JAK1: variants seen among roughly 807,000 people sequenced by gnomAD.
JAK1 encodes the protein tyrosine-protein kinase JAK1.
A neutral mutation model predicts 136.6 loss-of-function variants in JAK1; 16 were observed. The observed-to-expected ratio is 0.12, with a 90% confidence interval of 0.08 to 0.18. The LOEUF is 0.18. JAK1 is among the 10% of genes least tolerant of loss of function. The pLI, the probability that JAK1 is intolerant of heterozygous loss-of-function variation, is 1.00. For synonymous variants in JAK1, 492 were observed against 519.5 expected (o/e 0.95, Z 0.72); for missense variants, 859 against 1,450.1 (o/e 0.59, Z 6.62).
At chr1:64,945,496 G>C (rs915387659) in intron 1 of JAK1, among the ~76,000 whole-genome samples, 2 of 151,948 alleles carry the variant, frequency 1.3e-5, no homozygotes, top group African/African-American at 4.8e-5. Context: ...AATACTTGAT[G>C]TACTAATAAG....
At chr1:64,936,944 T>C (rs10889510) in intron 1 of JAK1, among the ~76,000 whole-genome samples, 106,147 of 151,284 alleles carry the variant, frequency 0.7, 40,481 homozygotes, top group Middle Eastern at 0.93. Context: ...AAATCAAATA[T>C]ATGTGAAAAA....
chr1:64,838,517 TTA>T lies in JAK1; in HGVS notation c.2913_2914del (p.Asn971LysfsTer18). The T allele has an allele frequency of 6.2e-7, 1 of 1,614,016 alleles. No homozygotes were observed. The highest frequency in any genetic ancestry group is 8.5e-7 in the Non-Finnish European group (1 of 1,179,866). ...CTGCTGTTTGAGGTTTATTTTGTTC[TTA>T]TTCTTTGGAAGATATTCCTTAAGGC... On this transcript the variant is annotated frameshift_variant, in exon 21 of 25. Coordinates refer to ENST00000342505, the MANE Select transcript of JAK1 (RefSeq NM_002227.4). LOFTEE classifies it high-confidence loss of function.
intron 2 of JAK1, among the ~76,000 whole-genome samples, chr1:65,038,347 T>C (rs1647096818): frequency 6.6e-6 from 1 of 150,726 alleles, no homozygotes; most frequent in African/African-American, 2.4e-5. Flanking sequence ...TACAGGCATG[T>C]GCCACCACGC....
chr1:64,852,576 G>A (rs1655671222), intron 11 of JAK1, among the ~76,000 whole-genome samples: 1 of 152,238 alleles, frequency 6.6e-6, no homozygotes, highest in Admixed American at 6.5e-5. Context: ...GGTGTCCACA[G>A]GCAAGAGGCC....
intron 2 of JAK1, among the ~76,000 whole-genome samples, chr1:64,885,825 G>A (rs368058650): frequency 1.3e-5 from 2 of 151,604 alleles, no homozygotes; most frequent in South Asian, 2.1e-4. Flanking sequence ...AAACAAAACA[G>A]GCAGGACTAC....
At chr1:64,981,904 A>G (rs1186540647) in intron 2 of JAK1, among the ~76,000 whole-genome samples, 2 of 152,194 alleles carry the variant, frequency 1.3e-5, no homozygotes, top group South Asian at 2.1e-4. Flanking sequence ...CATCACTAAG[A>G]AGAGCACTTA....
intron 1 of JAK1, among the ~76,000 whole-genome samples, chr1:64,940,865 GTAGT>G (rs1645877883): frequency 6.6e-6 from 1 of 152,140 alleles, no homozygotes; most frequent in Non-Finnish European, 1.5e-5. Context: ...TTTCATTAAA[GTAGT>G]TAAAGTTTTG....
intron 2 of JAK1, among the ~76,000 whole-genome samples, chr1:64,989,186 G>A (rs1187362489): frequency 1.3e-5 from 2 of 149,734 alleles, no homozygotes; most frequent in South Asian, 2.1e-4. Flanking sequence ...TTTGCTGGGT[G>A]TGGTGGCACG....
chr1:64,958,199 G>A (rs1264339982), intron 1 of JAK1, among the ~76,000 whole-genome samples: 1 of 152,208 alleles, frequency 6.6e-6, no homozygotes, highest in Non-Finnish European at 1.5e-5. Context: ...GCTTGTAGAT[G>A]GTAGGTGGCC....
At chr1:64,979,083 T>C (rs930561692) in intron 2 of JAK1, among the ~76,000 whole-genome samples, 9 of 152,058 alleles carry the variant, frequency 5.9e-5, no homozygotes, top group Admixed American at 3.9e-4. Flanking sequence ...CAAAAAGCAA[T>C]AGGAAAATAA....
At position 64,847,562 on chromosome 1, in the gene JAK1, G is replaced by C. The variant is rs763573566; in HGVS notation, c.1869C>G (p.Val623=). The C allele has an allele frequency of 2.5e-6, 4 of 1,614,106 alleles. No individual in the cohort carries two copies. In the South Asian group the frequency reaches 4.4e-5, roughly 18 times the overall value. The change falls in exon 13 of 25, where the codon GTC becomes GTG. Residue 623 remains valine (V), a synonymous_variant. Transcript: ENST00000342505. ...EEKKIKVILK[V]LDPSHRDISL... is the part of the protein sequence containing the mutation. ...AAATATCCCTGTGGCTGGGGTCTAA[G>C]ACTTTGAGGATCACTTTTATCTTCT...
intron 1 of JAK1, among the ~76,000 whole-genome samples, chr1:65,054,672 T>C (rs183593741): frequency 6.6e-6 from 1 of 152,164 alleles, no homozygotes; most frequent in East Asian, 1.9e-4. Flanking sequence ...GACCAGTGAG[T>C]TGCCCAATCT....
chr1:64,951,228 A>C (rs1477850312), intron 1 of JAK1, among the ~76,000 whole-genome samples: 1 of 152,214 alleles, frequency 6.6e-6, no homozygotes, highest in Non-Finnish European at 1.5e-5. Flanking sequence ...TATTCTCATA[A>C]GTGTCTGGCT....
At chr1:65,066,180 G>C (rs1458873014) in intron 1 of JAK1, among the ~76,000 whole-genome samples, 1 of 152,136 alleles carries the variant, frequency 6.6e-6, no homozygotes, top group Non-Finnish European at 1.5e-5. Flanking sequence ...GTGGCAGCTG[G>C]CGTGCGGGTA....
At chr1:64,978,753 C>T (rs1443775896) in intron 2 of JAK1, among the ~76,000 whole-genome samples, 1 of 151,870 alleles carries the variant, frequency 6.6e-6, no homozygotes, top group Non-Finnish European at 1.5e-5. Context: ...ATTTAAAAAC[C>T]TTATAAGCAG....
intron 9 of JAK1, among the ~76,000 whole-genome samples, chr1:64,858,162 G>T (rs930447557): frequency 6.6e-6 from 1 of 152,212 alleles, no homozygotes; most frequent in Non-Finnish European, 1.5e-5. Context: ...CCTCATGGGG[G>T]TGGGAACTGG....
At chr1:64,965,118 TA>T (rs56693886) in intron 1 of JAK1, among the ~76,000 whole-genome samples, 7,485 of 152,144 alleles carry the variant, frequency 0.049, 395 homozygotes, top group East Asian at 0.26. Context: ...CTTCAAAAAA[TA>T]AAAAAATAGC....
rs529455956 is a variant in JAK1 at position 64,869,506 on chromosome 1, C to T, written c.484-32G>A. 1.4e-5 allele frequency: 22 copies of T among 1,600,016 alleles called. No individual in the cohort carries two copies. In the African/African-American group the frequency reaches 2.5e-4, roughly 19 times the overall value. The stretch of plus-strand genomic sequence containing the variant: ...GCAAGGGGGAGAAACCATGAGAGCC[C>T]ACCCGTTTTTGATCTTGACAAGAAG... On this transcript the variant is annotated intron_variant, in intron 5 of 24. Coordinates refer to ENST00000342505, the MANE Select transcript of JAK1 (RefSeq NM_002227.4).
chr1:64,844,469 G>A lies in JAK1; in HGVS notation c.2252-254C>T, dbSNP rs1053273635. Reference sequence around the variant, plus strand: ...GTCCCTGCCTCCAAGCTCCCCAGGAGGGTCGTGTGAAGCCAGGCTTCTGAA... The same window carrying A: ...GTCCCTGCCTCCAAGCTCCCCAGGAAGGTCGTGTGAAGCCAGGCTTCTGAA... On this transcript the variant is annotated intron_variant, in intron 16 of 24. Transcript: ENST00000342505. This position sits in a 1 kb window ranked among gnomAD's most constrained non-coding sequence, Gnocchi z 5.7. Among the ~76,000 whole-genome samples, 2 of 152,210 alleles carry A rather than the reference G, an allele frequency of 1.3e-5. No homozygotes were observed. Among genetic ancestry groups the A allele is most frequent in the African/African-American group, 4.8e-5 (2 of 41,462 alleles).
Sources: gnomAD v4.1 joint callset for allele counts (sites outside exome capture counted in the v4.1 genomes callset) on GRCh38, gnomAD v4.1.1 for gene constraint, Gnocchi (gnomAD v3.1) non-coding constraint, MANE v1.5 for transcripts, NCBI Gene and HGNC (gene_info 2026-07-23, HGNC 2026-07-21) for gene names.